Variants in BABAM2 observed in about 807,000 individuals in gnomAD.
BABAM2 encodes the protein BRISC and BRCA1 A complex member 2.
BABAM2 carries 31 observed loss-of-function variants against 54.7 expected under a neutral mutation model. The ratio of observed to expected loss-of-function variants is 0.57; its 90% confidence interval spans 0.43 to 0.77. The LOEUF (loss-of-function observed/expected upper bound fraction) is 0.77. Among genes scored for constraint, BABAM2 ranks in the 30% least tolerant of loss-of-function variants. BABAM2 has a pLI of 0.00. For missense variants in BABAM2, 364 were observed against 455.8 expected, an observed-to-expected ratio of 0.80 and a Z score of 1.83; for synonymous variants, 167 against 162.9, an observed-to-expected ratio of 1.03 and a Z score of -0.19.
intron 3 of BABAM2, among the ~76,000 whole-genome samples, chr2:27,982,307 T>G: frequency 6.6e-6 from 1 of 152,286 alleles, no homozygotes; most frequent in South Asian, 2.1e-4. Context: ...TGTCTTCACT[T>G]TCTAGATAGT....
At chr2:28,306,864 AT>A (rs1160647954) in intron 11 of BABAM2, among the ~76,000 whole-genome samples, 1 of 148,512 alleles carries the variant, frequency 6.7e-6, no homozygotes, top group Non-Finnish European at 1.5e-5. Flanking sequence ...TGCCTGGCTA[AT>A]TTTTGTATTT....
At chr2:28,026,983 TATATAA>T (rs1675902145) in intron 5 of BABAM2, among the ~76,000 whole-genome samples, 1 of 113,630 alleles carries the variant, frequency 8.8e-6, no homozygotes, top group Non-Finnish European at 1.7e-5. Flanking sequence ...TATATAAATA[TATATAA>T]AAATATATAA....
chr2:28,338,539 A>T lies in BABAM2; in HGVS notation c.*26A>T. The T allele has an allele frequency of 1.2e-6, 2 of 1,612,816 alleles. No homozygotes were observed. The highest frequency in any genetic ancestry group is 1.3e-5 in the African/African-American group (1 of 75,016). ...GAAACACCAGTCTTGAGAGGTGGCC[A>T]GCCAGACTGCCTGTCCACATGCGTG... On this transcript the variant is annotated 3_prime_UTR_variant, in exon 12 of 12. Coordinates refer to ENST00000379624, the MANE Select transcript of BABAM2 (RefSeq NM_199191.3).
intron 10 of BABAM2, among the ~76,000 whole-genome samples, chr2:28,278,807 C>A (rs1573986748): frequency 6.6e-6 from 1 of 152,120 alleles, no homozygotes; most frequent in Non-Finnish European, 1.5e-5. Flanking sequence ...GAGAGGGCAC[C>A]ACGAAGGCAG....
In BABAM2 at chr2:28,099,726, G is replaced by A. The variant is rs143158292; in HGVS notation, c.571-29545G>A. 3.9e-3 allele frequency among the ~76,000 whole-genome samples: 596 copies of A among 152,238 alleles called. 5 individuals carry two copies. Among genetic ancestry groups the A allele is most frequent in the African/African-American group, 0.013 (553 of 41,550 alleles). On this transcript the variant is annotated intron_variant, in intron 6 of 11. Coordinates refer to ENST00000379624, the MANE Select transcript of BABAM2 (RefSeq NM_199191.3). ...TAACATTCTTACCTATTTTTGGAAA[G>A]TTCCAAAACATTCTCCAACAAACTC...
chr2:28,299,324 T>A (rs1687934072), intron 11 of BABAM2, among the ~76,000 whole-genome samples: 1 of 152,210 alleles, frequency 6.6e-6, no homozygotes, highest in African/African-American at 2.4e-5. Flanking sequence ...AATATAGAAA[T>A]ATGCTGAGTG....
chr2:28,086,964 A>C (rs1051173133), intron 6 of BABAM2, among the ~76,000 whole-genome samples: 6 of 152,168 alleles, frequency 3.9e-5, no homozygotes, highest in Admixed American at 6.5e-5. Flanking sequence ...GCAATCTCCT[A>C]ATCTATTTTT....
At chr2:28,053,308 A>G (rs941638439) in intron 6 of BABAM2, among the ~76,000 whole-genome samples, 13 of 152,200 alleles carry the variant, frequency 8.5e-5, no homozygotes, top group African/African-American at 3.1e-4. Context: ...AGACTGCTTT[A>G]ACACACTCTT....
At chr2:28,109,648 G>C (rs1293259431) in intron 6 of BABAM2, among the ~76,000 whole-genome samples, 2 of 152,116 alleles carry the variant, frequency 1.3e-5, no homozygotes, top group Admixed American at 6.5e-5. Context: ...CAGCTTCACT[G>C]ATATCACTGA....
chr2:28,282,229 AG>A (rs1686421410), intron 10 of BABAM2, among the ~76,000 whole-genome samples: 1 of 152,242 alleles, frequency 6.6e-6, no homozygotes, highest in Admixed American at 6.5e-5. Context: ...GAAGAAAACA[AG>A]GACATGGAAA....
chr2:28,301,485 C>G (rs1688103728), intron 11 of BABAM2, among the ~76,000 whole-genome samples: 1 of 152,190 alleles, frequency 6.6e-6, no homozygotes, highest in Non-Finnish European at 1.5e-5. Context: ...AGCTCTTAAC[C>G]TCTCTGAACC....
intron 2 of BABAM2, among the ~76,000 whole-genome samples, chr2:27,929,603 G>C (rs1408476716): frequency 1.3e-5 from 2 of 152,142 alleles, no homozygotes; most frequent in Admixed American, 1.3e-4. Flanking sequence ...GATGTTTGTC[G>C]TTAGAACACA....
At chr2:27,948,597 CCT>C (rs1669472692) in intron 3 of BABAM2, among the ~76,000 whole-genome samples, 1 of 152,122 alleles carries the variant, frequency 6.6e-6, no homozygotes, top group Non-Finnish European at 1.5e-5. Context: ...ATGGCAAAAC[CCT>C]GTCTCTACTA....
At position 28,104,468 on chromosome 2, in the gene BABAM2, G is replaced by A. The variant is rs7591227; in HGVS notation, c.571-24803G>A. On this transcript the variant is annotated intron_variant, in intron 6 of 11. Coordinates refer to ENST00000379624, the MANE Select transcript of BABAM2 (RefSeq NM_199191.3). ...CACCATCACTGGCCATCAGAGAAAT[G>A]TAAATCAAAACCACAATGAGATACC... Among the ~76,000 whole-genome samples the A allele has an allele frequency of 6.6e-3, 1,007 of 152,330 alleles. 10 individuals are homozygous for A. Among genetic ancestry groups the A allele is most frequent in the African/African-American group, 0.023 (955 of 41,566 alleles).
At chr2:28,310,363 G>A (rs1339557685) in intron 11 of BABAM2, 9 of 513,184 alleles carry the variant, frequency 1.8e-5, no homozygotes, top group Non-Finnish European at 3.1e-5. Context: ...TGGGGGAGGG[G>A]CAGCAGGTAA....
Position 27,995,909 on chromosome 2 carries a change from G to A in BABAM2, c.300+7822G>A, listed in dbSNP as rs1261625298. On this transcript the variant is annotated intron_variant, in intron 4 of 11. Coordinates refer to ENST00000379624, the MANE Select transcript of BABAM2 (RefSeq NM_199191.3). This position sits in a 1 kb window ranked among gnomAD's most constrained non-coding sequence, Gnocchi z 4.1. Reference sequence around the variant, plus strand: ...ATGAGTTCTTAATTTTAGAGAATATGTTCTTCAGTTTTACAATTCTATTTG... The same window carrying A: ...ATGAGTTCTTAATTTTAGAGAATATATTCTTCAGTTTTACAATTCTATTTG... 2.6e-5 allele frequency among the ~76,000 whole-genome samples: 4 copies of A among 152,122 alleles called. No individual in the cohort carries two copies. The highest frequency in any genetic ancestry group is 2.0e-4 in the Admixed American group (3 of 15,266).
chr2:28,228,479 T>C (rs1440601346), intron 7 of BABAM2, among the ~76,000 whole-genome samples: 1 of 152,176 alleles, frequency 6.6e-6, no homozygotes, highest in African/African-American at 2.4e-5. Flanking sequence ...AGGTAATTCA[T>C]AGGAAAAGTG....
chr2:28,105,863 G>A (rs547830907), intron 6 of BABAM2, among the ~76,000 whole-genome samples: 2 of 151,868 alleles, frequency 1.3e-5, no homozygotes, highest in African/African-American at 4.8e-5. Context: ...AATTTATCAT[G>A]CAACTTAGTA....
chr2:27,996,096 G>A (rs376825720), intron 4 of BABAM2, among the ~76,000 whole-genome samples: 4 of 152,038 alleles, frequency 2.6e-5, no homozygotes, highest in South Asian at 4.2e-4. Flanking sequence ...TGTGTGTTTC[G>A]TTTGCTTTTT....
Sources: gnomAD v4.1 joint callset for allele counts (sites outside exome capture counted in the v4.1 genomes callset) on GRCh38, gnomAD v4.1.1 for gene constraint, Gnocchi (gnomAD v3.1) non-coding constraint, MANE v1.5 for transcripts, NCBI Gene and HGNC (gene_info 2026-07-23, HGNC 2026-07-21) for gene names.